Variants in MACROD2 observed in about 807,000 individuals in gnomAD.
MACROD2 encodes the protein ADP-ribose glycohydrolase MACROD2.
In MACROD2, 36 loss-of-function variants were observed where a neutral mutation model predicts 70.4. The observed-to-expected ratio is 0.51, with a 90% confidence interval of 0.39 to 0.68. The LOEUF (loss-of-function observed/expected upper bound fraction) is 0.68, where lower values mean the gene tolerates loss of function less well. Ranked by LOEUF, MACROD2 falls within the 30% of genes least tolerant of loss-of-function variation. The pLI, the probability that MACROD2 is intolerant of heterozygous loss-of-function variation, is 0.00. For synonymous variants in MACROD2, 172 were observed against 178.8 expected (o/e 0.96, Z 0.30); for missense variants, 496 against 538.4 (o/e 0.92, Z 0.78).
chr20:14,971,686 A>G (rs2074693031), intron 5 of MACROD2, among the ~76,000 whole-genome samples: 1 of 152,014 alleles, frequency 6.6e-6, no homozygotes, highest in Non-Finnish European at 1.5e-5. Context: ...ACCTGGCTGG[A>G]CATCCAAGAT....
intron 3 of MACROD2, among the ~76,000 whole-genome samples, chr20:14,299,179 G>T (rs1013861907): frequency 9.9e-5 from 15 of 152,188 alleles, no homozygotes; most frequent in Non-Finnish European, 1.9e-4. Flanking sequence ...TTTCATTGTT[G>T]TCTTATTTTA....
intron 8 of MACROD2, among the ~76,000 whole-genome samples, chr20:15,648,260 A>G (rs1201938695): frequency 6.6e-6 from 1 of 152,182 alleles, no homozygotes; most frequent in African/African-American, 2.4e-5. Context: ...AGGGCTGGTG[A>G]TAGATTGGCC....
chr20:14,536,114 A>G (rs1467533504), intron 4 of MACROD2, among the ~76,000 whole-genome samples: 1 of 152,224 alleles, frequency 6.6e-6, no homozygotes, highest in Non-Finnish European at 1.5e-5. Flanking sequence ...GAAATTACCT[A>G]CAGTATCAAA....
chr20:14,399,745 C>T (rs1401168325), intron 3 of MACROD2, among the ~76,000 whole-genome samples: 1 of 152,124 alleles, frequency 6.6e-6, no homozygotes, highest in Admixed American at 6.5e-5. Flanking sequence ...CACTGATGTT[C>T]TGATCATTTA....
chr20:14,517,997 C>A (rs1175865684), intron 4 of MACROD2, among the ~76,000 whole-genome samples: 1 of 151,868 alleles, frequency 6.6e-6, no homozygotes, highest in Non-Finnish European at 1.5e-5. Flanking sequence ...TTTTGACTTT[C>A]TATTCATTAA....
chr20:14,872,586 T>C (rs181666418), intron 5 of MACROD2, among the ~76,000 whole-genome samples: 13 of 152,260 alleles, frequency 8.5e-5, no homozygotes, highest in African/African-American at 2.9e-4. Context: ...TCTAAGTTTC[T>C]AGATCTGTAA....
intron 6 of MACROD2, among the ~76,000 whole-genome samples, chr20:15,371,305 A>G (rs1461925931): frequency 6.6e-6 from 1 of 152,142 alleles, no homozygotes; most frequent in Non-Finnish European, 1.5e-5. Flanking sequence ...TTATAGCCCT[A>G]GTATCATCTT....
intron 2 of MACROD2, among the ~76,000 whole-genome samples, chr20:14,036,358 G>A (rs12480372): frequency 0.15 from 23,077 of 152,152 alleles, 1,938 homozygotes; most frequent in Admixed American, 0.22. Flanking sequence ...GAACTTCAGT[G>A]TTTATGAAAC....
intron 8 of MACROD2, among the ~76,000 whole-genome samples, chr20:15,533,493 C>CA (rs1232026953): frequency 1.3e-5 from 2 of 150,856 alleles, no homozygotes; most frequent in East Asian, 2.0e-4. Context: ...TTTCAGACAA[C>CA]AAAAAAACCC....
At chr20:15,929,397 A>C (rs903832410) in intron 10 of MACROD2, among the ~76,000 whole-genome samples, 2 of 151,918 alleles carry the variant, frequency 1.3e-5, no homozygotes, top group African/African-American at 4.8e-5. Context: ...TGGCATGGAA[A>C]TATTCTCTGC....
chr20:15,492,035 G>T (rs934329465), intron 7 of MACROD2, among the ~76,000 whole-genome samples: 9 of 152,212 alleles, frequency 5.9e-5, no homozygotes, highest in African/African-American at 2.2e-4. Context: ...TTGTGCTCCT[G>T]GGCGAAGCCA....
intron 6 of MACROD2, among the ~76,000 whole-genome samples, chr20:15,243,651 C>T (rs1056797483): frequency 6.6e-6 from 1 of 152,048 alleles, no homozygotes; most frequent in Admixed American, 6.6e-5. Context: ...CACGGTGGCT[C>T]ACGCCTGTAA....
At chr20:14,151,076 C>T (rs1214157466) in intron 3 of MACROD2, among the ~76,000 whole-genome samples, 1 of 152,202 alleles carries the variant, frequency 6.6e-6, no homozygotes, top group Non-Finnish European at 1.5e-5. Flanking sequence ...AGTAAATGCA[C>T]TAATTCTGTA....
At chr20:15,824,795 C>T (rs1286432557) in intron 8 of MACROD2, among the ~76,000 whole-genome samples, 1 of 152,188 alleles carries the variant, frequency 6.6e-6, no homozygotes, top group Non-Finnish European at 1.5e-5. Context: ...CTCTTCTTGG[C>T]CAGGGCCTGT....
intron 5 of MACROD2, among the ~76,000 whole-genome samples, chr20:14,698,705 C>G (rs924792958): frequency 6.6e-6 from 1 of 150,626 alleles, no homozygotes; most frequent in Non-Finnish European, 1.5e-5. Context: ...TTCAAAACCA[C>G]CTGTGAATGA....
At chr20:15,397,760 G>A (rs530865816) in intron 6 of MACROD2, among the ~76,000 whole-genome samples, 7 of 152,224 alleles carry the variant, frequency 4.6e-5, no homozygotes, top group South Asian at 2.1e-4. Context: ...GCTTCAATGC[G>A]TACATCATGT....
intron 8 of MACROD2, among the ~76,000 whole-genome samples, chr20:15,534,891 G>A (rs551593979): frequency 6.6e-6 from 1 of 152,066 alleles, no homozygotes. Flanking sequence ...TTCAGCTTCT[G>A]AATTCAACTC....
intron 8 of MACROD2, among the ~76,000 whole-genome samples, chr20:15,614,921 A>G (rs1158511327): frequency 6.6e-6 from 1 of 152,164 alleles, no homozygotes; most frequent in African/African-American, 2.4e-5. Context: ...AATTCTGCAT[A>G]CTTCTGTTTT....
chr20:14,390,439 A>C (rs1169883826), intron 3 of MACROD2, among the ~76,000 whole-genome samples: 1 of 152,264 alleles, frequency 6.6e-6, no homozygotes, highest in Non-Finnish European at 1.5e-5. Flanking sequence ...TAGCAAAGGC[A>C]ATCCTAAGCA....
Sources: gnomAD v4.1 joint callset for allele counts (sites outside exome capture counted in the v4.1 genomes callset) on GRCh38, gnomAD v4.1.1 for gene constraint, MANE v1.5 for transcripts, NCBI Gene and HGNC (gene_info 2026-07-23, HGNC 2026-07-21) for gene names.